The following EHMT1 variants were observed in gnomAD, a reference collection of about 807,000 sequenced individuals.
The protein encoded by EHMT1 is histone-lysine N-methyltransferase EHMT1.
In EHMT1, 15 loss-of-function variants were observed where a neutral mutation model predicts 147.2. The observed-to-expected ratio is 0.10, with a 90% confidence interval of 0.07 to 0.16. EHMT1 has a LOEUF of 0.16. Among genes scored for constraint, EHMT1 ranks in the 10% least tolerant of loss-of-function variants. The pLI, the probability that EHMT1 is intolerant of heterozygous loss-of-function variation, is 1.00. For missense variants in EHMT1, 1,587 were observed against 1,772.4 expected (o/e 0.90, Z 1.88); for synonymous variants, 795 against 709.6 (o/e 1.12, Z -1.91).
rs1267474628 is a variant in EHMT1 at position 137,813,564 on chromosome 9, C to T, written c.3180+34C>T. On this transcript the variant is annotated intron_variant, in intron 21 of 26. Coordinates refer to ENST00000460843, the MANE Select transcript of EHMT1 (RefSeq NM_024757.5). The surrounding 1 kb of genome is among the most constrained non-coding windows in gnomAD (Gnocchi z 4.9). ...CGGCAGATGAAGGGCTGACTCAGGC[C>T]AGGACATGGGACAGGCAGAAGCTTC... 5.0e-6 allele frequency: 8 copies of T among 1,612,426 alleles called. No homozygotes were observed. Among genetic ancestry groups the T allele is most frequent in the Non-Finnish European group, 5.9e-6 (7 of 1,179,822 alleles).
At chr9:137,646,632 T>C (rs1331212814) in intron 1 of EHMT1, among the ~76,000 whole-genome samples, 2 of 151,716 alleles carry the variant, frequency 1.3e-5, no homozygotes, top group African/African-American at 4.8e-5. Flanking sequence ...CTGGGGGAGG[T>C]GTGGCGCAGT....
intron 3 of EHMT1, among the ~76,000 whole-genome samples, chr9:137,720,770 C>A (rs1336841433): frequency 1.3e-5 from 2 of 152,128 alleles, no homozygotes; most frequent in Non-Finnish European, 2.9e-5. Context: ...TGTACGTCGG[C>A]ACTCACCCGC....
chr9:137,626,221 G>A (rs1021297323), intron 1 of EHMT1, among the ~76,000 whole-genome samples: 1 of 151,232 alleles, frequency 6.6e-6, no homozygotes, highest in Non-Finnish European at 1.5e-5. Context: ...AGTATCTCCT[G>A]TTCTTGTTTT....
At chr9:137,687,954 A>G (rs1176839729) in intron 1 of EHMT1, among the ~76,000 whole-genome samples, 2 of 152,196 alleles carry the variant, frequency 1.3e-5, no homozygotes, top group African/African-American at 4.8e-5. Context: ...GATTTCTTTC[A>G]ACTATGTTTT....
chr9:137,747,342 G>C (rs2136113233), intron 6 of EHMT1: 1 of 152,266 alleles, frequency 6.6e-6, no homozygotes, highest in East Asian at 1.9e-4. Flanking sequence ...ATTTTTAGTA[G>C]AGACAACGTT....
At chr9:137,798,483 G>A (rs1482439081) in intron 16 of EHMT1, among the ~76,000 whole-genome samples, 1 of 152,140 alleles carries the variant, frequency 6.6e-6, no homozygotes, top group South Asian at 2.1e-4. Context: ...TGGCGTTTCC[G>A]GAGCCGTGGG....
intron 1 of EHMT1, among the ~76,000 whole-genome samples, chr9:137,663,131 A>G (rs1245662776): frequency 6.6e-6 from 1 of 152,194 alleles, no homozygotes; most frequent in Non-Finnish European, 1.5e-5. Context: ...TTGTATAGAT[A>G]TCCACTCATT....
chr9:137,823,068 C>T (rs1309227166), intron 25 of EHMT1, among the ~76,000 whole-genome samples: 7 of 149,594 alleles, frequency 4.7e-5, no homozygotes, highest in Non-Finnish European at 8.9e-5. Flanking sequence ...GTAGCTGGGA[C>T]TACAGGCGCC....
At chr9:137,649,381 A>T (rs1362817258) in intron 1 of EHMT1, among the ~76,000 whole-genome samples, 1 of 151,956 alleles carries the variant, frequency 6.6e-6, no homozygotes, top group Non-Finnish European at 1.5e-5. Flanking sequence ...AATTGCTTGA[A>T]CCTGGGAGGC....
chr9:137,771,921 C>G (rs1255388320), intron 10 of EHMT1, among the ~76,000 whole-genome samples: 1 of 151,998 alleles, frequency 6.6e-6, no homozygotes, highest in Non-Finnish European at 1.5e-5. Context: ...CTGGTTTAAA[C>G]CAGATCCAAG....
intron 23 of EHMT1, chr9:137,816,455 T>A: frequency 2.9e-6 from 1 of 341,222 alleles, no homozygotes; most frequent in South Asian, 2.3e-5. Flanking sequence ...TGGGCTTCCC[T>A]AACAGTGAGG....
rs1025619703 is a variant in EHMT1, at chr9:137,787,526, G to A, written c.2383-3322G>A. The stretch of plus-strand genomic sequence containing the variant: ...GCCACGGCCACACGTGGGGTAGTTA[G>A]TAAACACCATGGACTCCCAGCAAGG... On this transcript the variant is annotated intron_variant, in intron 15 of 26. Coordinates refer to ENST00000460843, the MANE Select transcript of EHMT1 (RefSeq NM_024757.5). The surrounding 1 kb of genome is among the most constrained non-coding windows in gnomAD (Gnocchi z 4.2). 7.9e-6 allele frequency: 3 copies of A among 379,074 alleles called. No homozygotes were observed. Among genetic ancestry groups the A allele is most frequent in the East Asian group, 1.2e-4 (2 of 17,096 alleles). 23.5% of individuals were successfully genotyped at this position (379,074 alleles called of 1,614,324 possible). A position where few individuals can be genotyped will look rare whatever the true frequency, so the allele number is the denominator to read the frequency against.
chr9:137,728,245 GT>G (rs1463090045), intron 3 of EHMT1, 103 bp from the exon 4 acceptor site: 5 of 1,494,774 alleles, frequency 3.3e-6, no homozygotes, highest in Non-Finnish European at 4.6e-6. Context: ...TCATCTTTCG[GT>G]TGTGGGGAAT....
intron 1 of EHMT1, among the ~76,000 whole-genome samples, chr9:137,672,912 G>A (rs955919640): frequency 2.0e-5 from 3 of 152,164 alleles, no homozygotes; most frequent in African/African-American, 7.2e-5. Flanking sequence ...GAACTTTACC[G>A]ATTGCAGAGA....
intron 1 of EHMT1, among the ~76,000 whole-genome samples, chr9:137,704,944 CTTT>C (rs988383030): frequency 4.1e-5 from 6 of 146,746 alleles, no homozygotes; most frequent in Admixed American, 6.8e-5. Context: ...TCCTTCCCTT[CTTT>C]ATCCCCTCCC....
intron 1 of EHMT1, among the ~76,000 whole-genome samples, chr9:137,643,359 TAGA>T: frequency 6.8e-6 from 1 of 146,108 alleles, no homozygotes; most frequent in East Asian, 2.0e-4. Context: ...TTTTTTTTTT[TAGA>T]CAGAGTCTCA....
At position 137,813,578 on chromosome 9, in the gene EHMT1, G is replaced by A. The variant is rs376527487; in HGVS notation, c.3180+48G>A. 42 of 1,610,696 alleles carry A rather than the reference G, an allele frequency of 2.6e-5. No homozygotes were observed. In the African/African-American group the frequency reaches 4.1e-4, roughly 16 times the overall value. ...CTGACTCAGGCCAGGACATGGGACAGGCAGAAGCTTCTTGAGCCTGGGGTC... is the reference window on the plus strand; with the variant it reads ...CTGACTCAGGCCAGGACATGGGACAAGCAGAAGCTTCTTGAGCCTGGGGTC... On this transcript the variant is annotated intron_variant, in intron 21 of 26. Transcript: ENST00000460843. The surrounding 1 kb of genome is among the most constrained non-coding windows in gnomAD (Gnocchi z 4.9).
chr9:137,816,493 T>C, intron 23 of EHMT1: 1 of 309,718 alleles, frequency 3.2e-6, no homozygotes, highest in Admixed American at 4.6e-5. Context: ...TCAGGCTGCG[T>C]GGACTCCTTG....
At chr9:137,695,621 C>T (rs1943339349) in intron 1 of EHMT1, among the ~76,000 whole-genome samples, 1 of 152,246 alleles carries the variant, frequency 6.6e-6, no homozygotes, top group African/African-American at 2.4e-5. Context: ...CGTCCTTCCA[C>T]ATCTGGTGGC....
Sources: gnomAD v4.1 joint callset for allele counts (sites outside exome capture counted in the v4.1 genomes callset) on GRCh38, gnomAD v4.1.1 for gene constraint, Gnocchi (gnomAD v3.1) non-coding constraint, MANE v1.5 for transcripts, NCBI Gene and HGNC (gene_info 2026-07-23, HGNC 2026-07-21) for gene names.